Variants in DCLK1 observed in about 807,000 individuals in gnomAD.
The protein encoded by DCLK1 is serine/threonine-protein kinase DCLK1.
DCLK1 carries 16 observed loss-of-function variants against 86.2 expected under a neutral mutation model. The observed-to-expected ratio is 0.19, with a 90% CI of 0.13 to 0.28. The LOEUF is 0.28. Ranked by LOEUF, DCLK1 falls within the 10% of genes least tolerant of loss-of-function variation. The pLI is 1.00. For missense variants in DCLK1, 590 were observed against 940.2 expected (o/e 0.63, Z 4.87); for synonymous variants, 369 against 370.5 (o/e 1.00, Z 0.05).
chr13:35,940,909 T>C (rs1450758853), intron 4 of DCLK1, among the ~76,000 whole-genome samples: 1 of 152,106 alleles, frequency 6.6e-6, no homozygotes, highest in Middle Eastern at 3.2e-3. Flanking sequence ...TGCAATCCAC[T>C]AGGAGGTATA....
chr13:35,861,595 C>T (rs956987718), intron 5 of DCLK1, among the ~76,000 whole-genome samples: 1 of 152,164 alleles, frequency 6.6e-6, no homozygotes, highest in African/African-American at 2.4e-5. Flanking sequence ...CCTACGATCC[C>T]CATTCAGTTC....
At chr13:35,783,497 G>C (rs1267604832) in intron 16 of DCLK1, among the ~76,000 whole-genome samples, 1 of 152,122 alleles carries the variant, frequency 6.6e-6, no homozygotes, top group African/African-American at 2.4e-5. Context: ...GGGCGGACTA[G>C]ATCCAAACCC....
intron 12 of DCLK1, among the ~76,000 whole-genome samples, chr13:35,809,605 TCA>T (rs1040496030): frequency 2.0e-4 from 31 of 152,236 alleles, no homozygotes; most frequent in African/African-American, 7.2e-4. Context: ...TTGCTTAAGA[TCA>T]CACAGTTAGT....
At chr13:35,969,153 C>T (rs1593778678) in intron 3 of DCLK1, among the ~76,000 whole-genome samples, 1 of 152,182 alleles carries the variant, frequency 6.6e-6, no homozygotes, top group African/African-American at 2.4e-5. Context: ...ACAGTTAGGA[C>T]ATATAATGTG....
intron 16 of DCLK1, among the ~76,000 whole-genome samples, chr13:35,782,500 T>G (rs529690597): frequency 3.3e-5 from 5 of 152,336 alleles, no homozygotes; most frequent in Admixed American, 1.3e-4. Context: ...TTCCTTTAAT[T>G]GCAGAAACCA....
intron 3 of DCLK1, among the ~76,000 whole-genome samples, chr13:35,958,866 T>C (rs1878294083): frequency 6.6e-6 from 1 of 152,230 alleles, no homozygotes; most frequent in Non-Finnish European, 1.5e-5. Context: ...AAAATATATT[T>C]GAGAGCAAGT....
At position 35,899,364 on chromosome 13, in the gene DCLK1, TGTGTGAGA is replaced by T. The variant is rs759861287; in HGVS notation, c.824-28032_824-28025del. Among the ~76,000 whole-genome samples the T allele has an allele frequency of 5.0e-3, 497 of 99,890 alleles. 1 individual carries two copies. Among genetic ancestry groups the T allele is most frequent in the African/African-American group, 0.014 (397 of 28,148 alleles). 65.5% of individuals were successfully genotyped at this position (99,890 alleles called of 152,430 possible). On this transcript the variant is annotated intron_variant, in intron 4 of 16. Coordinates refer to ENST00000360631, the MANE Select transcript of DCLK1 (RefSeq NM_001330071.2). ...GTGTGTGTGTGTGTGTGTGTGTGTGTGTGTGAGAGAGAGAGAGAGAGAGAGAAAGAAGA... is the reference window on the plus strand; with the variant it reads ...GTGTGTGTGTGTGTGTGTGTGTGTGTGAGAGAGAGAGAGAGAGAAAGAAGA...
intron 3 of DCLK1, among the ~76,000 whole-genome samples, chr13:36,015,039 C>T (rs913935669): frequency 6.6e-6 from 1 of 151,202 alleles, no homozygotes; most frequent in Non-Finnish European, 1.5e-5. Context: ...TCCCTATCCG[C>T]CCCCCCACAC....
Position 35,829,011 on chromosome 13 carries a change from T to C in DCLK1, c.1230-704A>G, listed in dbSNP as rs1868723933. 2.0e-5 allele frequency among the ~76,000 whole-genome samples: 3 copies of C among 152,058 alleles called. No homozygotes were observed. The South Asian group carries it at 6.2e-4, about 32-fold the overall frequency. On this transcript the variant is annotated intron_variant, in intron 8 of 16. Transcript: ENST00000360631. ...AAAGGGATAAAATCTATTTCAGAGC[T>C]CCCTGGGGACCCCTGGGCCCTTTTA...
At chr13:35,882,485 T>C (rs1400861137) in intron 4 of DCLK1, among the ~76,000 whole-genome samples, 1 of 152,232 alleles carries the variant, frequency 6.6e-6, no homozygotes, top group African/African-American at 2.4e-5. Flanking sequence ...AGCATTTTTA[T>C]CAGGAAATCT....
intron 4 of DCLK1, among the ~76,000 whole-genome samples, chr13:35,923,107 T>G (rs1217345788): frequency 6.6e-6 from 1 of 152,058 alleles, no homozygotes; most frequent in Non-Finnish European, 1.5e-5. Context: ...AGTGAACAGG[T>G]CGACCAGCCA....
chr13:36,020,578 A>G (rs574596712), intron 3 of DCLK1, among the ~76,000 whole-genome samples: 39 of 152,274 alleles, frequency 2.6e-4, no homozygotes, highest in Admixed American at 9.2e-4. Flanking sequence ...ACGAAAAAAG[A>G]AAAAACAATG....
chr13:35,976,581 A>T (rs1288963698), intron 3 of DCLK1, among the ~76,000 whole-genome samples: 29 of 111,736 alleles, frequency 2.6e-4, no homozygotes, highest in Non-Finnish European at 4.7e-4. Flanking sequence ...CCCAGGCTGG[A>T]GTGCAGTGGC....
chr13:35,922,972 C>A (rs968422470), intron 4 of DCLK1, among the ~76,000 whole-genome samples: 6 of 152,152 alleles, frequency 3.9e-5, no homozygotes, highest in Non-Finnish European at 8.8e-5. Flanking sequence ...CTCATGGGAA[C>A]GATGCACCAG....
chr13:35,939,181 T>G (rs1307915411), intron 4 of DCLK1, among the ~76,000 whole-genome samples: 1 of 152,110 alleles, frequency 6.6e-6, no homozygotes, highest in Non-Finnish European at 1.5e-5. Flanking sequence ...AAATGGGAAC[T>G]AGCTGACGAG....
intron 5 of DCLK1, among the ~76,000 whole-genome samples, chr13:35,861,614 C>T (rs925020390): frequency 6.7e-6 from 1 of 148,174 alleles, no homozygotes; most frequent in Non-Finnish European, 1.5e-5. Context: ...TCTCATGCTA[C>T]CTGACATCTC....
chr13:35,808,935 C>T (rs1358847846), intron 13 of DCLK1, 83 bp downstream of exon 13: 1 of 1,207,518 alleles, frequency 8.3e-7, no homozygotes, highest in Non-Finnish European at 1.2e-6. Context: ...GCTGCAGGCT[C>T]CTTTGTGCAA....
intron 5 of DCLK1, chr13:35,855,740 C>G (rs1349484696): frequency 1.5e-6 from 2 of 1,332,356 alleles, no homozygotes; most frequent in Non-Finnish European, 1.9e-6. Flanking sequence ...GGTGCAGGTT[C>G]TGTCTTAGGC....
At chr13:35,957,502 C>T (rs1226647925) in intron 3 of DCLK1, among the ~76,000 whole-genome samples, 2 of 152,136 alleles carry the variant, frequency 1.3e-5, no homozygotes, top group African/African-American at 4.8e-5. Context: ...ATCAATTTCT[C>T]ACAAGGACTC....
Sources: gnomAD v4.1 joint callset for allele counts (sites outside exome capture counted in the v4.1 genomes callset) on GRCh38, gnomAD v4.1.1 for gene constraint, MANE v1.5 for transcripts, NCBI Gene and HGNC (gene_info 2026-07-23, HGNC 2026-07-21) for gene names.